Variants in SENP6 observed in about 807,000 individuals in gnomAD.
SENP6 encodes sentrin-specific protease 6.
Under a neutral mutation model 134.5 loss-of-function variants are expected in SENP6, and 41 were observed. The ratio of observed to expected loss-of-function variants is 0.30; its 90% CI spans 0.24 to 0.40. SENP6 has a LOEUF of 0.40. Ranked by LOEUF, SENP6 falls within the 10% of genes least tolerant of loss-of-function variation. SENP6 has a pLI of 1.00. For missense variants in SENP6, 1,248 were observed against 1,312.5 expected, an observed-to-expected ratio of 0.95 and a Z score of 0.76; for synonymous variants, 395 against 429.8, an observed-to-expected ratio of 0.92 and a Z score of 1.00.
At chr6:75,665,154 T>C (rs998372392) in intron 9 of SENP6, among the ~76,000 whole-genome samples, 1 of 151,734 alleles carries the variant, frequency 6.6e-6, no homozygotes, top group African/African-American at 2.4e-5. Context: ...GGCATGGTGG[T>C]GGGTGCCTGT....
At chr6:75,682,427 TTAAGATC>T (rs1317722316) in intron 16 of SENP6, among the ~76,000 whole-genome samples, 1 of 152,052 alleles carries the variant, frequency 6.6e-6, no homozygotes, top group African/African-American at 2.4e-5. Flanking sequence ...TAATTATACT[TTAAGATC>T]TATGGTACAT....
At chr6:75,625,415 A>G (rs1333923347) in intron 3 of SENP6, among the ~76,000 whole-genome samples, 1 of 151,922 alleles carries the variant, frequency 6.6e-6, no homozygotes, top group Admixed American at 6.6e-5. Context: ...GTGCCTGGCC[A>G]TTACTAAAAT....
intron 5 of SENP6, among the ~76,000 whole-genome samples, chr6:75,635,769 A>T (rs1247987916): frequency 2.6e-5 from 4 of 152,272 alleles, no homozygotes; most frequent in Non-Finnish European, 5.9e-5. Flanking sequence ...TGGCAAAAAC[A>T]TGAGAATAAA....
At chr6:75,693,541 A>T (rs115890762) in intron 16 of SENP6, among the ~76,000 whole-genome samples, 2 of 152,020 alleles carry the variant, frequency 1.3e-5, no homozygotes, top group Non-Finnish European at 2.9e-5. Flanking sequence ...TGAAGATACT[A>T]TTGTAGAATT....
chr6:75,683,517 T>C (rs1271857691), intron 16 of SENP6, among the ~76,000 whole-genome samples: 3 of 152,250 alleles, frequency 2.0e-5, no homozygotes, highest in Non-Finnish European at 4.4e-5. Context: ...TTCTAGGGTT[T>C]TTATGGTTTT....
At chr6:75,654,040 A>G (rs1771120369) in intron 7 of SENP6, among the ~76,000 whole-genome samples, 1 of 152,184 alleles carries the variant, frequency 6.6e-6, no homozygotes, top group South Asian at 2.1e-4. Flanking sequence ...ACTGGCCAGC[A>G]TAGTGAGACC....
intron 2 of SENP6, chr6:75,622,865 C>G (rs1768381217): frequency 3.3e-6 from 4 of 1,218,172 alleles, no homozygotes; most frequent in Non-Finnish European, 4.3e-6. Context: ...ACTGGTAAGT[C>G]TCTCATTTAA....
intron 16 of SENP6, among the ~76,000 whole-genome samples, chr6:75,690,433 TA>T (rs1774160053): frequency 6.6e-6 from 1 of 152,208 alleles, no homozygotes; most frequent in African/African-American, 2.4e-5. Context: ...CCAAGCACAG[TA>T]AGTCAGTCAC....
At chr6:75,629,922 AAG>A (rs1178329417) in intron 3 of SENP6, among the ~76,000 whole-genome samples, 1 of 152,184 alleles carries the variant, frequency 6.6e-6, no homozygotes, top group Non-Finnish European at 1.5e-5. Flanking sequence ...AGGAAAAAAG[AAG>A]AGACTATTCC....
intron 16 of SENP6, among the ~76,000 whole-genome samples, chr6:75,680,821 C>T (rs781318533): frequency 3.9e-4 from 59 of 152,262 alleles, no homozygotes; most frequent in Admixed American, 2.0e-4. Flanking sequence ...TAGTAGAGAA[C>T]ATGTACTTTT....
intron 16 of SENP6, among the ~76,000 whole-genome samples, chr6:75,680,728 G>C (rs1314214485): frequency 6.6e-6 from 1 of 152,084 alleles, no homozygotes; most frequent in Non-Finnish European, 1.5e-5. Flanking sequence ...AACTCCATTA[G>C]AGATGGTATC....
At chr6:75,694,959 C>T (rs1180959549) in intron 16 of SENP6, among the ~76,000 whole-genome samples, 1 of 151,966 alleles carries the variant, frequency 6.6e-6, no homozygotes, top group Admixed American at 6.6e-5. Context: ...ACTGCAACCT[C>T]TGCCTCATAG....
rs111558916 is a variant in SENP6, at chr6:75,649,145, GA to G, written c.550+1356del. Among the ~76,000 whole-genome samples the G allele has an allele frequency of 3.9e-3, 554 of 142,958 alleles. 5 individuals carry two copies. Among genetic ancestry groups the G allele is most frequent in the South Asian group, 0.02 (88 of 4,502 alleles). The allele number at this position is 142,958 out of a possible 152,430, so 93.8% of individuals were successfully genotyped here. A position where few individuals can be genotyped will look rare whatever the true frequency, so the allele number is the denominator to read the frequency against. On this transcript the variant is annotated intron_variant, in intron 7 of 23. Coordinates refer to ENST00000447266, the MANE Select transcript of SENP6 (RefSeq NM_015571.4). ...ACATGGCAAAACCCCATCGCTACTG[GA>G]AAAAAAAAAAATACAAAAATTAGCT...
At chr6:75,619,408 G>A (rs1183823328) in intron 1 of SENP6, among the ~76,000 whole-genome samples, 4 of 151,584 alleles carry the variant, frequency 2.6e-5, no homozygotes, top group South Asian at 4.2e-4. Context: ...TATCCAATTC[G>A]TATCCCTTTA....
chr6:75,655,003 C>A (rs1435554865), intron 7 of SENP6: 1 of 152,194 alleles, frequency 6.6e-6, no homozygotes, highest in African/African-American at 2.4e-5. Flanking sequence ...TACTTCTAAA[C>A]ACTTCAGTGG....
chr6:75,689,250 T>A (rs772895562), intron 16 of SENP6, among the ~76,000 whole-genome samples: 4 of 151,974 alleles, frequency 2.6e-5, no homozygotes, highest in Non-Finnish European at 5.9e-5. Flanking sequence ...AAAAATAAAA[T>A]CTTTATAGAT....
chr6:75,713,988 G>A (rs1775898765), intron 23 of SENP6, among the ~76,000 whole-genome samples, 163 bp downstream of exon 23: 1 of 152,108 alleles, frequency 6.6e-6, no homozygotes, highest in African/African-American at 2.4e-5. Flanking sequence ...GAACCTTCAA[G>A]GCATAAAAAT....
intron 8 of SENP6, among the ~76,000 whole-genome samples, chr6:75,660,880 C>T (rs749683289): frequency 1.3e-5 from 2 of 152,168 alleles, no homozygotes; most frequent in Non-Finnish European, 2.9e-5. Context: ...GTCCACCCAC[C>T]TCAGCCTTCC....
chr6:75,660,332 G>A (rs1771675740), intron 8 of SENP6, among the ~76,000 whole-genome samples: 4 of 152,138 alleles, frequency 2.6e-5, no homozygotes, highest in Admixed American at 2.6e-4. Context: ...CAGTTAATAG[G>A]TATTTGACTA....
Sources: allele counts gnomAD v4.1 joint callset (sites outside exome capture counted in the v4.1 genomes callset), GRCh38; gene constraint gnomAD v4.1.1; transcripts MANE v1.5; gene names NCBI Gene and HGNC (gene_info 2026-07-23, HGNC 2026-07-21).